NPAS3: variants seen among roughly 807,000 people sequenced by gnomAD.
NPAS3 encodes the protein neuronal PAS domain protein 3, also known as neuronal PAS domain-containing protein 3.
Under a neutral mutation model 73.1 loss-of-function variants are expected in NPAS3, and 14 were observed. The observed-to-expected ratio is 0.19, with a 90% CI of 0.13 to 0.30. The LOEUF (loss-of-function observed/expected upper bound fraction) is 0.30. Ranked by LOEUF, NPAS3 falls within the 10% of genes least tolerant of loss-of-function variation. The pLI, the probability that NPAS3 is intolerant of heterozygous loss-of-function variation, is 1.00. For synonymous variants in NPAS3, 620 were observed against 541.5 expected, an observed-to-expected ratio of 1.14 and a Z score of -2.01; for missense variants, 1,096 against 1,250.0, an observed-to-expected ratio of 0.88 and a Z score of 1.86.
chr14:33,619,070 A>G (rs539647090), intron 5 of NPAS3, among the ~76,000 whole-genome samples: 1 of 152,314 alleles, frequency 6.6e-6, no homozygotes, highest in South Asian at 2.1e-4. Flanking sequence ...AAATGTTCAT[A>G]TCTTTATATA....
chr14:33,424,699 TA>T (rs1455596532), intron 4 of NPAS3, among the ~76,000 whole-genome samples: 1 of 149,724 alleles, frequency 6.7e-6, no homozygotes, highest in Non-Finnish European at 1.5e-5. Context: ...TGCCAATCCA[TA>T]AGTTAGGGAA....
At chr14:33,687,744 ATTCT>A (rs1159015036) in intron 6 of NPAS3, among the ~76,000 whole-genome samples, 2 of 152,192 alleles carry the variant, frequency 1.3e-5, no homozygotes, top group Non-Finnish European at 2.9e-5. Flanking sequence ...ACATTCATTC[ATTCT>A]TTCATTTATT....
At chr14:33,680,839 A>C in intron 6 of NPAS3, 2 of 555,006 alleles carry the variant, frequency 3.6e-6, no homozygotes, top group Non-Finnish European at 3.2e-6. Flanking sequence ...TGGCTAACCC[A>C]TTGGTTGTGT....
At chr14:33,482,370 T>TA (rs1432652099) in intron 4 of NPAS3, among the ~76,000 whole-genome samples, 1 of 152,202 alleles carries the variant, frequency 6.6e-6, no homozygotes, top group African/African-American at 2.4e-5. Flanking sequence ...AATCTCTGAT[T>TA]AAACCATCGT....
At chr14:33,620,405 C>T (rs1343036213) in intron 5 of NPAS3, among the ~76,000 whole-genome samples, 1 of 152,120 alleles carries the variant, frequency 6.6e-6, no homozygotes, top group Non-Finnish European at 1.5e-5. Flanking sequence ...CCTTCATTCC[C>T]TCACTTCTGT....
At chr14:33,263,730 A>G (rs1172244691) in intron 3 of NPAS3, among the ~76,000 whole-genome samples, 2 of 152,102 alleles carry the variant, frequency 1.3e-5, no homozygotes, top group Non-Finnish European at 2.9e-5. Context: ...CATTTTCATG[A>G]TACTGATTCT....
chr14:33,432,869 A>C (rs2048839240), intron 4 of NPAS3, among the ~76,000 whole-genome samples: 1 of 152,256 alleles, frequency 6.6e-6, no homozygotes, highest in African/African-American at 2.4e-5. Context: ...CTAAATGAAC[A>C]TTCATTACCA....
chr14:33,467,136 G>C (rs548722213), intron 4 of NPAS3, among the ~76,000 whole-genome samples: 1 of 152,136 alleles, frequency 6.6e-6, no homozygotes, highest in Non-Finnish European at 1.5e-5. Context: ...GTGACTTTGC[G>C]CTGCTCACTG....
Position 33,717,613 on chromosome 14 carries a change from C to A in NPAS3, c.734-17601C>A, listed in dbSNP as rs555630109. On this transcript the variant is annotated intron_variant, in intron 6 of 11. Coordinates refer to ENST00000356141, the Ensembl canonical transcript of NPAS3. ...TTTTTGCTTGCATTCTCATATATTT[C>A]TTTCTATGCCCAAGGAAGGACCGTG... Among the ~76,000 whole-genome samples, 3 of 152,142 alleles carry A rather than the reference C, an allele frequency of 2.0e-5. No individual in the cohort carries two copies. The South Asian group carries it at 6.2e-4, about 32-fold the overall frequency.
intron 4 of NPAS3, among the ~76,000 whole-genome samples, chr14:33,370,010 A>G (rs953276288): frequency 6.6e-6 from 1 of 152,066 alleles, no homozygotes; most frequent in Non-Finnish European, 1.5e-5. Flanking sequence ...CTCTTTCTTC[A>G]TTTGCAAATA....
chr14:32,975,992 T>C (rs1416487421), intron 1 of NPAS3, among the ~76,000 whole-genome samples: 1 of 151,994 alleles, frequency 6.6e-6, no homozygotes, highest in Non-Finnish European at 1.5e-5. Flanking sequence ...ACCACAACTA[T>C]GACAGAGCAA....
At chr14:33,472,306 T>G (rs1594972565) in intron 4 of NPAS3, among the ~76,000 whole-genome samples, 1 of 151,866 alleles carries the variant, frequency 6.6e-6, no homozygotes, top group African/African-American at 2.4e-5. Flanking sequence ...GTTGGAGAGG[T>G]AAGAGGGTTT....
intron 2 of NPAS3, among the ~76,000 whole-genome samples, chr14:33,177,054 A>G (rs946213612): frequency 7.0e-6 from 1 of 142,472 alleles, no homozygotes; most frequent in African/African-American, 2.6e-5. Context: ...TTATTTTTTA[A>G]TTAGGCTGTT....
intron 1 of NPAS3, among the ~76,000 whole-genome samples, chr14:32,972,917 C>G (rs1208546132): frequency 2.6e-5 from 4 of 152,168 alleles, no homozygotes; most frequent in Admixed American, 1.3e-4. Flanking sequence ...CGCTACTGTA[C>G]CTGAAATACT....
intron 3 of NPAS3, among the ~76,000 whole-genome samples, chr14:33,281,980 G>C (rs1238268262): frequency 2.0e-5 from 3 of 152,130 alleles, no homozygotes; most frequent in African/African-American, 2.4e-5. Flanking sequence ...GGGTACCTCA[G>C]TCTTTTCTGT....
chr14:33,575,571 A>G (rs2139844272), intron 5 of NPAS3, among the ~76,000 whole-genome samples: 1 of 152,314 alleles, frequency 6.6e-6, no homozygotes, highest in Middle Eastern at 3.4e-3. Context: ...GGTAAAAAGA[A>G]TATTCATGTG....
chr14:33,228,407 GA>G (rs2047716895), intron 3 of NPAS3, among the ~76,000 whole-genome samples: 1 of 151,984 alleles, frequency 6.6e-6, no homozygotes. Context: ...GAGTTGATAG[GA>G]AAACAAAAAA....
At chr14:33,341,565 G>A (rs2044483691) in intron 3 of NPAS3, among the ~76,000 whole-genome samples, 1 of 152,114 alleles carries the variant, frequency 6.6e-6, no homozygotes, top group African/African-American at 2.4e-5. Flanking sequence ...AGGGAAGTGG[G>A]GATGGCAGAG....
At chr14:33,198,221 G>C (rs2046456012) in intron 2 of NPAS3, among the ~76,000 whole-genome samples, 2 of 152,220 alleles carry the variant, frequency 1.3e-5, no homozygotes, top group African/African-American at 4.8e-5. Context: ...AAGAGCAAAA[G>C]AACAAAGCTT....
Sources: gnomAD v4.1 joint callset for allele counts (sites outside exome capture counted in the v4.1 genomes callset) on GRCh38, gnomAD v4.1.1 for gene constraint, MANE v1.5 for transcripts, NCBI Gene and HGNC (gene_info 2026-07-23, HGNC 2026-07-21) for gene names.